The following NKAIN3 variants were observed in gnomAD, a reference collection of about 807,000 sequenced individuals.
NKAIN3 encodes the protein sodium/potassium-transporting ATPase subunit beta-1-interacting protein 3.
In NKAIN3, 25 loss-of-function variants were observed where a neutral mutation model predicts 30.2. That is an observed-to-expected ratio of 0.83 (90% CI 0.60 to 1.16). The LOEUF (loss-of-function observed/expected upper bound fraction) is 1.16. Among genes scored for constraint, NKAIN3 ranks in the 50% most tolerant of loss-of-function variants. NKAIN3 has a pLI of 0.00. For synonymous variants in NKAIN3, 91 were observed against 89.6 expected (o/e 1.02, Z -0.09); for missense variants, 225 against 254.1 (o/e 0.89, Z 0.78).
chr8:62,389,598 T>G (rs1404939177), intron 1 of NKAIN3, among the ~76,000 whole-genome samples: 1 of 152,190 alleles, frequency 6.6e-6, no homozygotes, highest in Non-Finnish European at 1.5e-5. Context: ...CATCTAACAA[T>G]AAATATATTT....
chr8:62,702,457 T>C (rs1046388892), intron 3 of NKAIN3, among the ~76,000 whole-genome samples: 1 of 152,206 alleles, frequency 6.6e-6, no homozygotes, highest in Admixed American at 6.5e-5. Flanking sequence ...GTTATTACAA[T>C]CTTGAAAGTT....
intron 1 of NKAIN3, among the ~76,000 whole-genome samples, chr8:62,403,114 CAAAGAGAAT>C (rs1585768751): frequency 6.6e-6 from 1 of 152,148 alleles, no homozygotes; most frequent in East Asian, 1.9e-4. Flanking sequence ...TCTTGCTCTT[CAAAGAGAAT>C]GGCAGCATTT....
At chr8:62,770,579 T>C (rs957018233) in intron 4 of NKAIN3, among the ~76,000 whole-genome samples, 1 of 152,100 alleles carries the variant, frequency 6.6e-6, no homozygotes, top group Non-Finnish European at 1.5e-5. Flanking sequence ...AGGGTACTAA[T>C]AACATTTATA....
Position 62,909,195 on chromosome 8 carries a change from C to G in NKAIN3, c.472-9258C>G, listed in dbSNP as rs147280176. 5.5e-3 allele frequency among the ~76,000 whole-genome samples: 833 copies of G among 152,244 alleles called. 17 individuals are homozygous for G. The highest frequency in any genetic ancestry group is 0.025 in the Admixed American group (385 of 15,286). ...CTAGTCAATTCTTATACAAGGCCTG[C>G]AGGTCAAAACAAACCAATCCCACAT... On this transcript the variant is annotated intron_variant, in intron 4 of 6. Transcript: ENST00000623646.
chr8:62,758,917 T>C (rs1453780044), intron 4 of NKAIN3, among the ~76,000 whole-genome samples: 1 of 152,172 alleles, frequency 6.6e-6, no homozygotes, highest in African/African-American at 2.4e-5. Flanking sequence ...ATTTCATATC[T>C]CCACATTATT....
At chr8:62,855,773 C>T (rs1820043441) in intron 4 of NKAIN3, 1 of 1,134,892 alleles carries the variant, frequency 8.8e-7, no homozygotes, top group Non-Finnish European at 1.3e-6. Flanking sequence ...CAGTAAAGGG[C>T]ATCTTCCTTT....
intron 4 of NKAIN3, among the ~76,000 whole-genome samples, chr8:62,913,632 T>C (rs1267844036): frequency 1.3e-5 from 2 of 152,190 alleles, no homozygotes; most frequent in East Asian, 3.9e-4. Flanking sequence ...GTTCACAAAA[T>C]TTCAAGTGGC....
At chr8:62,250,221 T>C (rs1045757974) in intron 1 of NKAIN3, among the ~76,000 whole-genome samples, 1 of 152,216 alleles carries the variant, frequency 6.6e-6, no homozygotes. Context: ...AGTCCTTGTT[T>C]ACATGAAGGC....
rs376384345 is a variant in NKAIN3, at chr8:62,550,557, G to A, written c.55-28982G>A. On this transcript the variant is annotated intron_variant, in intron 1 of 6. Coordinates refer to ENST00000623646, the MANE Select transcript of NKAIN3 (RefSeq NM_001304533.3). Reference sequence around the variant, plus strand: ...AGACATTCTCTATGAACAATGAGACGCAGTTACATTAAACAGTGTTTATCC... The same window carrying A: ...AGACATTCTCTATGAACAATGAGACACAGTTACATTAAACAGTGTTTATCC... 5.9e-5 allele frequency among the ~76,000 whole-genome samples: 9 copies of A among 152,288 alleles called. No individual in the cohort carries two copies. In the East Asian group the frequency reaches 1.4e-3, roughly 23 times the overall value.
intron 3 of NKAIN3, among the ~76,000 whole-genome samples, chr8:62,629,751 G>A (rs1276473156): frequency 6.6e-6 from 1 of 152,010 alleles, no homozygotes; most frequent in East Asian, 1.9e-4. Context: ...GGAATTTTGG[G>A]GTAACATATG....
At chr8:62,494,494 C>A (rs914856504) in intron 1 of NKAIN3, among the ~76,000 whole-genome samples, 1 of 152,086 alleles carries the variant, frequency 6.6e-6, no homozygotes, top group Non-Finnish European at 1.5e-5. Context: ...TTTGTTGTGT[C>A]TCTGCCAGGT....
chr8:62,662,658 CACAT>C lies in NKAIN3; in HGVS notation c.273+72868_273+72871del, dbSNP rs1273651881. Among the ~76,000 whole-genome samples, 16 of 152,276 alleles carry C rather than the reference CACAT, an allele frequency of 1.1e-4. 1 individual carries two copies. Among genetic ancestry groups the C allele is most frequent in the African/African-American group, 3.1e-4 (13 of 41,544 alleles). ...TTAATAAAAGCTTCTACCTTTATAG[CACAT>C]ACAATCTAGTGAGTGACCCAAATTT... On this transcript the variant is annotated intron_variant, in intron 3 of 6. Coordinates refer to ENST00000623646, the MANE Select transcript of NKAIN3 (RefSeq NM_001304533.3).
intron 1 of NKAIN3, among the ~76,000 whole-genome samples, chr8:62,468,952 T>G (rs1365195999): frequency 6.6e-6 from 1 of 152,186 alleles, no homozygotes; most frequent in Non-Finnish European, 1.5e-5. Flanking sequence ...GATATCTGCA[T>G]TCTTCCCAAT....
intron 4 of NKAIN3, among the ~76,000 whole-genome samples, chr8:62,848,282 C>T (rs546315810): frequency 7.9e-5 from 12 of 152,204 alleles, no homozygotes; most frequent in African/African-American, 2.4e-4. Flanking sequence ...GCCGTTTTCA[C>T]GATATTGATT....
intron 3 of NKAIN3, among the ~76,000 whole-genome samples, chr8:62,594,777 TTTCC>T (rs747649909): frequency 1.1e-3 from 169 of 151,894 alleles, no homozygotes; most frequent in African/African-American, 3.7e-3. Flanking sequence ...CTTTCTTTCT[TTTCC>T]TTCCTTCCTT....
intron 1 of NKAIN3, among the ~76,000 whole-genome samples, chr8:62,299,187 C>A (rs1270716843): frequency 6.6e-6 from 1 of 152,042 alleles, no homozygotes; most frequent in Non-Finnish European, 1.5e-5. Context: ...GTTGTTCTAT[C>A]ATTTTTTGCA....
At chr8:62,935,026 A>G (rs761099408) in intron 5 of NKAIN3, among the ~76,000 whole-genome samples, 1 of 152,138 alleles carries the variant, frequency 6.6e-6, no homozygotes, top group Non-Finnish European at 1.5e-5. Context: ...TTTCTTTCCT[A>G]AGAGACCTTT....
At chr8:62,711,735 T>C (rs1814725394) in intron 3 of NKAIN3, among the ~76,000 whole-genome samples, 1 of 152,226 alleles carries the variant, frequency 6.6e-6, no homozygotes, top group Admixed American at 6.5e-5. Flanking sequence ...GAATTCTTTT[T>C]CAGGTAAATC....
intron 1 of NKAIN3, among the ~76,000 whole-genome samples, chr8:62,560,783 C>A (rs1035069506): frequency 1.3e-5 from 2 of 151,944 alleles, no homozygotes; most frequent in African/African-American, 4.8e-5. Context: ...TCAGGTAATA[C>A]ACCCGTCTCG....
Sources: allele counts gnomAD v4.1 joint callset (sites outside exome capture counted in the v4.1 genomes callset), GRCh38; gene constraint gnomAD v4.1.1; transcripts MANE v1.5; gene names NCBI Gene and HGNC (gene_info 2026-07-23, HGNC 2026-07-21).